Variants in RBM47 observed in about 807,000 individuals in gnomAD.
The protein encoded by RBM47 is RNA binding motif protein 47, also known as RNA-binding protein 47.
Under a neutral mutation model 47.1 loss-of-function variants are expected in RBM47, and 21 were observed. That is an observed-to-expected ratio of 0.45 (90% confidence interval 0.32 to 0.64). The LOEUF is 0.64. Ranked by LOEUF, RBM47 falls within the 30% of genes least tolerant of loss-of-function variation. The pLI, the probability that RBM47 is intolerant of heterozygous loss-of-function variation, is 0.05. For missense variants in RBM47, 708 were observed against 870.9 expected, an observed-to-expected ratio of 0.81 and a Z score of 2.35; for synonymous variants, 375 against 361.7, an observed-to-expected ratio of 1.04 and a Z score of -0.42.
At chr4:40,606,310 G>A (rs909227654) in intron 1 of RBM47, among the ~76,000 whole-genome samples, 6 of 151,976 alleles carry the variant, frequency 3.9e-5, no homozygotes, top group Non-Finnish European at 8.8e-5. Context: ...GATTGTTACC[G>A]AGAAACTACT....
At chr4:40,585,085 T>A (rs1733415789) in intron 1 of RBM47, among the ~76,000 whole-genome samples, 1 of 152,218 alleles carries the variant, frequency 6.6e-6, no homozygotes, top group Non-Finnish European at 1.5e-5. Context: ...TCTAACAGGT[T>A]TCATTCGGGG....
intron 3 of RBM47, among the ~76,000 whole-genome samples, chr4:40,457,145 C>T (rs1264310834): frequency 6.6e-6 from 1 of 151,664 alleles, no homozygotes; most frequent in African/African-American, 2.4e-5. Flanking sequence ...GGGGGTCGGG[C>T]GTGGTGGCTC....
Position 40,431,828 on chromosome 4 carries a change from G to A in RBM47, c.1542+823C>T, listed in dbSNP as rs113991826. Among the ~76,000 whole-genome samples the A allele has an allele frequency of 9.2e-3, 1,399 of 152,100 alleles. 9 individuals are homozygous for A. Among genetic ancestry groups the A allele is most frequent in the Middle Eastern group, 0.014 (4 of 294 alleles). On this transcript the variant is annotated intron_variant, in intron 6 of 6. Transcript: ENST00000295971. ...AGGGGAACAGTGGGAGATATGGTTG[G>A]AAGAGAGGATTATGGGCATATTTTG...
At chr4:40,564,585 C>G (rs1479860519) in intron 1 of RBM47, among the ~76,000 whole-genome samples, 4 of 152,206 alleles carry the variant, frequency 2.6e-5, no homozygotes, top group African/African-American at 9.6e-5. Context: ...ATAAACAGCA[C>G]AGGCAACACA....
chr4:40,536,045 G>C (rs1727948445), intron 2 of RBM47, among the ~76,000 whole-genome samples: 1 of 152,198 alleles, frequency 6.6e-6, no homozygotes, highest in Non-Finnish European at 1.5e-5. Flanking sequence ...TGCTTGAGGT[G>C]TCACTTGTAT....
rs796576377 is a variant in RBM47 at position 40,424,634 on chromosome 4, C to T, written c.*1270G>A. 1.1e-4 allele frequency: 16 copies of T among 152,274 alleles called. No homozygotes were observed. The highest frequency in any genetic ancestry group is 3.9e-4 in the African/African-American group (16 of 41,542). 9.4% of individuals were successfully genotyped at this position (152,274 alleles called of 1,614,324 possible). On this transcript the variant is annotated 3_prime_UTR_variant, in exon 7 of 7. Transcript: ENST00000295971. ...TGGATGTGCACACCCCAATCCAGTT[C>T]ACCCATCAAGTGCACAGCAAAGGAA...
chr4:40,616,107 C>T (rs1317848377), intron 1 of RBM47, among the ~76,000 whole-genome samples: 2 of 152,108 alleles, frequency 1.3e-5, no homozygotes, highest in Admixed American at 6.5e-5. Context: ...AATCCCAGCA[C>T]TTTGGGAGGC....
In RBM47 at chr4:40,546,901, T is replaced by C. The variant is rs573046487; in HGVS notation, c.-239-2395A>G. Reference sequence around the variant, plus strand: ...GCCCACACATCAGTTTTTGGAGTGATAGAATGAAAAAGGGTATGGATTTCC... The same window carrying C: ...GCCCACACATCAGTTTTTGGAGTGACAGAATGAAAAAGGGTATGGATTTCC... On this transcript the variant is annotated intron_variant, in intron 1 of 6. Transcript: ENST00000295971. Among the ~76,000 whole-genome samples, 13 of 152,274 alleles carry C rather than the reference T, an allele frequency of 8.5e-5. 1 individual carries two copies. The South Asian group carries it at 2.1e-3, about 24-fold the overall frequency.
chr4:40,616,478 G>A lies in RBM47; in HGVS notation c.-240+12918C>T, dbSNP rs140111479. Among the ~76,000 whole-genome samples the A allele has an allele frequency of 5.3e-4, 80 of 152,108 alleles. No individual in the cohort carries two copies. In the East Asian group the frequency reaches 0.015, roughly 28 times the overall value. ...TTTTTTTAGAATAATCTCTGCTTGG[G>A]AGGTTGTAGTGTGGCGCTAAAAACA... On this transcript the variant is annotated intron_variant, in intron 1 of 6. Transcript: ENST00000295971.
rs1560456286 is a variant in RBM47 at position 40,540,659 on chromosome 4, ATAAT to A, written c.-155+3759_-155+3762del. On this transcript the variant is annotated intron_variant, in intron 2 of 6. Transcript: ENST00000295971. ...GTCTCAAAAAAAAAAAAAAATAATA[ATAAT>A]AATAATAATAATAATAAATGGGGAA... is the stretch of plus-strand genomic sequence containing the variant. Among the ~76,000 whole-genome samples the A allele has an allele frequency of 3.0e-3, 372 of 124,102 alleles. 6 individuals are homozygous for A. Among genetic ancestry groups the A allele is most frequent in the African/African-American group, 0.013 (331 of 25,176 alleles). 81.4% of individuals were successfully genotyped at this position (124,102 alleles called of 152,430 possible).
chr4:40,459,190 C>T lies in RBM47; in HGVS notation c.-32+7387G>A, dbSNP rs918166261. ...TGTTTATAGTTTATTTTATTAGCTA[C>T]ACTTGAAGCATCTCAAAGGCAGTGA... On this transcript the variant is annotated intron_variant, in intron 3 of 6. Transcript: ENST00000295971. 2.6e-5 allele frequency among the ~76,000 whole-genome samples: 4 copies of T among 152,292 alleles called. No individual in the cohort carries two copies. In the East Asian group the frequency reaches 5.8e-4, roughly 22 times the overall value.
chr4:40,516,261 C>CT (rs541606790), intron 2 of RBM47, among the ~76,000 whole-genome samples: 30,258 of 133,126 alleles, frequency 0.23, 3,721 homozygotes, highest in Middle Eastern at 0.27. Flanking sequence ...TCTTTTCTTT[C>CT]TTTTTTTTTT....
At chr4:40,521,183 T>A (rs1726156346) in intron 2 of RBM47, among the ~76,000 whole-genome samples, 1 of 152,162 alleles carries the variant, frequency 6.6e-6, no homozygotes. Context: ...TAAAATGTTT[T>A]AAATTTTTTA....
chr4:40,581,238 A>G (rs1400918549), intron 1 of RBM47, among the ~76,000 whole-genome samples: 1 of 152,050 alleles, frequency 6.6e-6, no homozygotes, highest in East Asian at 1.9e-4. Flanking sequence ...CCTGGACAAT[A>G]TAGTGAGACC....
At chr4:40,432,583 T>C in intron 6 of RBM47, 68 bp downstream of exon 6, 1 of 1,599,278 alleles carries the variant, frequency 6.3e-7, no homozygotes, top group South Asian at 1.1e-5. Flanking sequence ...CAGTGCTGAA[T>C]ACTAAATGAA....
At chr4:40,479,495 C>A (rs1358437108) in intron 2 of RBM47, among the ~76,000 whole-genome samples, 1 of 151,894 alleles carries the variant, frequency 6.6e-6, no homozygotes. Context: ...CCCAGCTACT[C>A]GGGAAAATTG....
chr4:40,483,300 T>C (rs952095495), intron 2 of RBM47, among the ~76,000 whole-genome samples: 2 of 152,222 alleles, frequency 1.3e-5, no homozygotes, highest in African/African-American at 4.8e-5. Context: ...CAATGGCTAT[T>C]GATCCTACTA....
At chr4:40,519,266 A>C (rs1725934573) in intron 2 of RBM47, among the ~76,000 whole-genome samples, 1 of 151,512 alleles carries the variant, frequency 6.6e-6, no homozygotes, top group African/African-American at 2.4e-5. Context: ...ACCTCTGACC[A>C]GAACCAGTTC....
At chr4:40,572,110 G>A (rs572898976) in intron 1 of RBM47, among the ~76,000 whole-genome samples, 2 of 148,450 alleles carry the variant, frequency 1.3e-5, no homozygotes, top group East Asian at 3.9e-4. Context: ...AAACCCACCA[G>A]GTGTGGCTCA....
Sources: gnomAD v4.1 joint callset for allele counts (sites outside exome capture counted in the v4.1 genomes callset) on GRCh38, gnomAD v4.1.1 for gene constraint, MANE v1.5 for transcripts, NCBI Gene and HGNC (gene_info 2026-07-23, HGNC 2026-07-21) for gene names.